Variants in SEMA4F observed in about 807,000 individuals in gnomAD.
SEMA4F encodes ssemaphorin 4F.
A neutral mutation model predicts 78.4 loss-of-function variants in SEMA4F; 51 were observed. The observed-to-expected ratio is 0.65, with a 90% confidence interval of 0.52 to 0.82. SEMA4F has a LOEUF of 0.82. SEMA4F is among the 40% of genes least tolerant of loss of function. SEMA4F has a pLI of 0.00. For missense variants in SEMA4F, 938 were observed against 1,014.4 expected, an observed-to-expected ratio of 0.92 and a Z score of 1.02; for synonymous variants, 418 against 408.7, an observed-to-expected ratio of 1.02 and a Z score of -0.27.
chr2:74,698,596 C>T, the SEMA4F span, among the ~76,000 whole-genome samples: 681 of 152,286 alleles, frequency 4.5e-3, 6 homozygotes, highest in African/African-American at 0.016. Flanking sequence ...AAGGATATCT[C>T]GTTAGGTTTG....
At chr2:74,701,092 A>AC in the SEMA4F span, among the ~76,000 whole-genome samples, 54,701 of 151,852 alleles carry the variant, frequency 0.36, 16,075 homozygotes, top group East Asian at 0.82. Flanking sequence ...AATGTGTAGC[A>AC]CCCAGCTGCC....
chr2:74,705,640 T>G, the SEMA4F span, among the ~76,000 whole-genome samples: 2 of 152,260 alleles, frequency 1.3e-5, no homozygotes, highest in African/African-American at 4.8e-5. Context: ...CATAGCTCAC[T>G]GACGCCTCTG....
rs376622168 is a variant in SEMA4F at position 74,657,547 on chromosome 2, T to G, written c.298-18T>G. The G allele has an allele frequency of 6.2e-7, 1 of 1,612,624 alleles. No homozygotes were observed. The highest frequency in any genetic ancestry group is 8.5e-7 in the Non-Finnish European group (1 of 1,178,734). ...TGTTAGGGGAATCTGGGTGAAATGA[T>G]CACTTCTCCTTTCTCAGATTGACTG... On this transcript the variant is annotated intron_variant, in intron 2 of 13. Coordinates refer to ENST00000357877, the MANE Select transcript of SEMA4F (RefSeq NM_004263.5).
chr2:74,693,116 A>C, the SEMA4F span, among the ~76,000 whole-genome samples: 5 of 152,264 alleles, frequency 3.3e-5, no homozygotes, highest in East Asian at 9.6e-4. Context: ...TATTTTCAAT[A>C]AACATAGTAT....
the SEMA4F span, among the ~76,000 whole-genome samples, chr2:74,695,467 G>C: frequency 6.6e-6 from 1 of 152,100 alleles, no homozygotes; most frequent in Non-Finnish European, 1.5e-5. Flanking sequence ...GGCTCACCTT[G>C]TTTTCCATAT....
chr2:74,657,281 C>T (rs1684201927), intron 2 of SEMA4F, among the ~76,000 whole-genome samples: 1 of 152,180 alleles, frequency 6.6e-6, no homozygotes, highest in Non-Finnish European at 1.5e-5. Flanking sequence ...TATTGTGGTA[C>T]ACAATTATGT....
the SEMA4F span, among the ~76,000 whole-genome samples, chr2:74,694,480 T>G: frequency 6.6e-6 from 1 of 152,182 alleles, no homozygotes; most frequent in African/African-American, 2.4e-5. Flanking sequence ...AATGCAGAGT[T>G]TGAAGCCAAG....
chr2:74,687,189 A>C, downstream of SEMA4F, among the ~76,000 whole-genome samples: 1 of 152,154 alleles, frequency 6.6e-6, no homozygotes, highest in East Asian at 1.9e-4. Context: ...ACCAACCTTC[A>C]TTCAGCTTTC....
intron 5 of SEMA4F, among the ~76,000 whole-genome samples, chr2:74,666,235 C>T (rs1407684534): frequency 6.6e-6 from 1 of 152,128 alleles, no homozygotes; most frequent in Non-Finnish European, 1.5e-5. Context: ...CATGTTTAGC[C>T]CTCTGTGAGT....
chr2:74,689,420 C>T, the SEMA4F span, among the ~76,000 whole-genome samples: 1 of 152,150 alleles, frequency 6.6e-6, no homozygotes, highest in African/African-American at 2.4e-5. Context: ...GAAATTAGTA[C>T]ACACTCTATG....
chr2:74,698,277 G>A, the SEMA4F span, among the ~76,000 whole-genome samples: 1 of 152,228 alleles, frequency 6.6e-6, no homozygotes, highest in African/African-American at 2.4e-5. Flanking sequence ...AGAGAAATCT[G>A]TTCATAAGAA....
intron 7 of SEMA4F, 133 bp downstream of exon 7, chr2:74,673,961 G>T: frequency 9.3e-7 from 1 of 1,069,906 alleles, no homozygotes. Flanking sequence ...CTTCTCTTCT[G>T]GGAGCTTGAG....
intron 5 of SEMA4F, among the ~76,000 whole-genome samples, chr2:74,665,093 A>T (rs1684618694): frequency 6.6e-6 from 1 of 152,036 alleles, no homozygotes; most frequent in Non-Finnish European, 1.5e-5. Context: ...ATTAATTTTT[A>T]CCTATATTTT....
intron 7 of SEMA4F, among the ~76,000 whole-genome samples, chr2:74,674,053 CTAGTG>C (rs752403337): frequency 2.0e-5 from 3 of 152,202 alleles, no homozygotes; most frequent in Non-Finnish European, 4.4e-5. Flanking sequence ...AGGTTACTGA[CTAGTG>C]TAGAGGTTAA....
the SEMA4F span, among the ~76,000 whole-genome samples, chr2:74,703,122 T>C: frequency 6.6e-6 from 1 of 151,976 alleles, no homozygotes; most frequent in East Asian, 1.9e-4. Flanking sequence ...TTGGGGGTCA[T>C]ATATTGAACA....
chr2:74,677,387 A>G (rs946235910), intron 12 of SEMA4F, among the ~76,000 whole-genome samples: 2 of 152,084 alleles, frequency 1.3e-5, no homozygotes, highest in African/African-American at 2.4e-5. Flanking sequence ...ACATCATTTC[A>G]CTTCATCCAT....
At chr2:74,655,664 A>G in intron 1 of SEMA4F, among the ~76,000 whole-genome samples, 1 of 152,210 alleles carries the variant, frequency 6.6e-6, no homozygotes, top group East Asian at 1.9e-4. Context: ...GTTGATGTCC[A>G]GGCATCCAGA....
chr2:74,662,372 A>T (rs1684472796), intron 4 of SEMA4F, among the ~76,000 whole-genome samples: 1 of 152,120 alleles, frequency 6.6e-6, no homozygotes, highest in African/African-American at 2.4e-5. Flanking sequence ...CATATTCTCC[A>T]GCCAGTTACA....
Position 74,675,905 on chromosome 2 carries a change from C to T in SEMA4F, c.1639C>T (p.Arg547Ter), listed in dbSNP as rs1278600148. 11 of 1,610,618 alleles carry T rather than the reference C, an allele frequency of 6.8e-6. No homozygotes were observed. Among genetic ancestry groups the T allele is most frequent in the Non-Finnish European group, 6.8e-6 (8 of 1,178,690 alleles). Residue 547 changes from arginine to a stop codon, truncating the protein, a stop_gained, in exon 12 of 14, where the codon CGA becomes TGA. Transcript: ENST00000357877. LOFTEE classifies it high-confidence loss of function. ...DECVAHAGEH[R>*]GLVQDIESAD... ...GTGTGTGGCCCATGCCGGGGAGCACCGAGGGTGAGTGTAGCTGCCTGGATT... is the reference window on the plus strand; with the variant it reads ...GTGTGTGGCCCATGCCGGGGAGCACTGAGGGTGAGTGTAGCTGCCTGGATT...
Sources: gnomAD v4.1 joint callset for allele counts (sites outside exome capture counted in the v4.1 genomes callset) on GRCh38, gnomAD v4.1.1 for gene constraint, MANE v1.5 for transcripts, NCBI Gene and HGNC (gene_info 2026-07-23, HGNC 2026-07-21) for gene names.